The following ABLIM1 variants were observed in gnomAD, a reference collection of about 807,000 sequenced individuals.
ABLIM1 encodes actin-binding LIM protein 1.
A neutral mutation model predicts 107.0 loss-of-function variants in ABLIM1; 40 were observed. That is an observed-to-expected ratio of 0.37 (90% CI 0.29 to 0.49). The LOEUF is 0.49. ABLIM1 is among the 20% of genes least tolerant of loss of function. The pLI is 0.97. For missense variants in ABLIM1, 857 were observed against 1,008.5 expected, an observed-to-expected ratio of 0.85 and a Z score of 2.04; for synonymous variants, 357 against 357.3, an observed-to-expected ratio of 1.00 and a Z score of 0.01.
intron 20 of ABLIM1, 151 bp from the exon 21 acceptor site, chr10:114,439,401 G>A (rs1413440352): frequency 1.3e-6 from 1 of 795,584 alleles, no homozygotes; most frequent in Non-Finnish European, 2.1e-6. Flanking sequence ...TTCAAAATGA[G>A]ATCCTTGCTG....
At position 114,571,370 on chromosome 10, in the gene ABLIM1, A is replaced by G. The variant is rs746127730; in HGVS notation, c.600T>C (p.Asn200=). The G allele has an allele frequency of 6.2e-7, 1 of 1,614,168 alleles. No homozygotes were observed. Among genetic ancestry groups the G allele is most frequent in the South Asian group, 1.1e-5 (1 of 91,076 alleles). The stretch of plus-strand genomic sequence containing the variant: ...AGAGTTGACAAAGGCAGTCTCTCCC[A>G]TTGAATGTGACTCGGTCTCCGGGTG... ...PFPPGDRVTF[N]GRDCLCQLCA... Residue 200 remains asparagine (N), a synonymous_variant, in exon 4 of 23, where the codon AAT becomes AAC. Coordinates refer to ENST00000533213, the MANE Select transcript of ABLIM1 (RefSeq NM_002313.7).
In ABLIM1 at chr10:114,657,989, C is replaced by A. The variant is rs138943557; in HGVS notation, c.212G>T (p.Arg71Leu). The A allele has an allele frequency of 1.5e-5, 25 of 1,613,880 alleles. No individual in the cohort carries two copies. In the African/African-American group the frequency reaches 3.1e-4, roughly 20 times the overall value. The change falls in exon 1 of 23, where the codon CGT (arginine) becomes CTT (leucine). Residue 71 changes from arginine (R) to leucine (L), a missense_variant. Around this residue, in one of 5 missense-constraint regions of ABLIM1, gnomAD observed 176 missense variants for 173.5 expected, o/e 1.01. Coordinates refer to ENST00000533213, the MANE Select transcript of ABLIM1 (RefSeq NM_002313.7). The part of the protein sequence containing the change: ...LYLCPKDYCP[R>L]GRVCNSVDPF... ...ATCAACGCTGTTACATACACGCCCA[C>A]GTGGGCAGTAGTCCTTGGGACAGAG...
At chr10:114,568,044 G>T (rs543314454) in intron 4 of ABLIM1, among the ~76,000 whole-genome samples, 108 of 151,516 alleles carry the variant, frequency 7.1e-4, no homozygotes, top group African/African-American at 2.4e-3. Context: ...CAAAAAATTA[G>T]CCGGGCGCGG....
Position 114,435,717 on chromosome 10 carries a change from A to T in ABLIM1, c.*543T>A, listed in dbSNP as rs541489220. On this transcript the variant is annotated 3_prime_UTR_variant, in exon 23 of 23. Transcript: ENST00000533213. The stretch of plus-strand genomic sequence containing the variant: ...TCAAACAGAGCTGCCCTGTTCCCTG[A>T]TGGAGTTCCATTCCTGCCAGGGCAC... The T allele has an allele frequency of 2.0e-5, 3 of 152,664 alleles. No homozygotes were observed. The highest frequency in any genetic ancestry group is 7.2e-5 in the African/African-American group (3 of 41,566). 9.5% of individuals were successfully genotyped at this position (152,664 alleles called of 1,614,324 possible).
the ABLIM1 span, among the ~76,000 whole-genome samples, chr10:114,790,975 TCAGTAA>T: frequency 2.6e-5 from 4 of 152,164 alleles, no homozygotes; most frequent in African/African-American, 9.7e-5. Context: ...CTCAAAGGGA[TCAGTAA>T]CCCCAAAAAG....
At chr10:114,463,807 G>T (rs2133480091) in intron 12 of ABLIM1, among the ~76,000 whole-genome samples, 1 of 152,236 alleles carries the variant, frequency 6.6e-6, no homozygotes, top group African/African-American at 2.4e-5. Context: ...TTGTGGAGTG[G>T]ACACTTTGGG....
intron 1 of ABLIM1, among the ~76,000 whole-genome samples, chr10:114,766,868 C>G (rs1331081065): frequency 6.6e-6 from 1 of 152,156 alleles, no homozygotes; most frequent in Admixed American, 6.5e-5. Context: ...CTCTAATATA[C>G]GTGAATAATT....
At chr10:114,670,453 C>T (rs1029979593) in intron 1 of ABLIM1, among the ~76,000 whole-genome samples, 4 of 151,986 alleles carry the variant, frequency 2.6e-5, no homozygotes, top group African/African-American at 9.7e-5. Flanking sequence ...AAATACAATC[C>T]CTCCATCCAG....
At chr10:114,606,114 G>C (rs1304016461) in intron 1 of ABLIM1, among the ~76,000 whole-genome samples, 3 of 152,130 alleles carry the variant, frequency 2.0e-5, no homozygotes, top group South Asian at 4.1e-4. Flanking sequence ...ACCTCTCTCT[G>C]GGGGACAGAC....
chr10:114,592,199 T>C lies in ABLIM1; in HGVS notation c.379+9628A>G, dbSNP rs115558975. 4.5e-3 allele frequency among the ~76,000 whole-genome samples: 690 copies of C among 152,226 alleles called. 4 individuals carry two copies. Among genetic ancestry groups the C allele is most frequent in the African/African-American group, 0.016 (662 of 41,532 alleles). ...ACACAGTTATGTACACATATACATA[T>C]CAGATGGTGTCAAGGATGGCCTTAT... On this transcript the variant is annotated intron_variant, in intron 2 of 22. Coordinates refer to ENST00000533213, the MANE Select transcript of ABLIM1 (RefSeq NM_002313.7).
At chr10:114,615,690 A>C in intron 1 of ABLIM1, 1 of 393,656 alleles carries the variant, frequency 2.5e-6, no homozygotes, top group South Asian at 1.8e-5. Flanking sequence ...TTTGGGTGAA[A>C]CTGAAAGTCA....
chr10:114,701,210 G>A (rs1364397369), intron 1 of ABLIM1, among the ~76,000 whole-genome samples: 1 of 151,986 alleles, frequency 6.6e-6, no homozygotes, highest in Non-Finnish European at 1.5e-5. Flanking sequence ...TTAGCCATGA[G>A]GTAAATGCAA....
the ABLIM1 span, among the ~76,000 whole-genome samples, chr10:114,789,622 T>C: frequency 1.3e-5 from 2 of 152,212 alleles, no homozygotes; most frequent in Non-Finnish European, 1.5e-5. Flanking sequence ...CCATTCTGAC[T>C]GGTGTGAGAC....
chr10:114,675,705 T>C (rs753204135), intron 1 of ABLIM1, among the ~76,000 whole-genome samples: 18 of 152,244 alleles, frequency 1.2e-4, no homozygotes, highest in Non-Finnish European at 1.0e-4. Flanking sequence ...CTGGGGCTTC[T>C]ATTACAAAGT....
chr10:114,567,667 T>C (rs911361301), intron 4 of ABLIM1, among the ~76,000 whole-genome samples: 2 of 152,206 alleles, frequency 1.3e-5, no homozygotes, highest in Non-Finnish European at 2.9e-5. Flanking sequence ...TTCATATAAA[T>C]GTCCACTCCA....
At chr10:114,464,242 A>G (rs4462255) in intron 12 of ABLIM1, among the ~76,000 whole-genome samples, 70,123 of 149,802 alleles carry the variant, frequency 0.47, 16,379 homozygotes, top group East Asian at 0.52. Flanking sequence ...TTGGAGTGCA[A>G]TGGCGCCATC....
the ABLIM1 span, chr10:114,778,129 T>G: frequency 6.6e-6 from 1 of 152,472 alleles, no homozygotes; most frequent in East Asian, 1.9e-4. Flanking sequence ...TTTGGGAGGC[T>G]GAAGTAGGTG....
chr10:114,679,108 A>G lies in ABLIM1; in HGVS notation c.64+5182T>C, dbSNP rs990631325. Among the ~76,000 whole-genome samples, 5 of 152,228 alleles carry G rather than the reference A, an allele frequency of 3.3e-5. No homozygotes were observed. The East Asian group carries it at 9.6e-4, about 29-fold the overall frequency. On this transcript the variant is annotated intron_variant, in intron 1 of 23. Coordinates refer to the ABLIM1 transcript ENST00000369256. ...GAACTTAGCCGTCAAGAGGTCACGC[A>G]TATTTCTACATGCTGTCTTGCCCTT...
chr10:114,602,539 G>A lies in ABLIM1; in HGVS notation c.245-578C>T, dbSNP rs572583653. On this transcript the variant is annotated intron_variant, in intron 1 of 22. Transcript: ENST00000533213. ...CCTGCTTTACCAGAGGGTCATTCCC[G>A]ATCATAAATGGCAACTCATCTAACC... 9.2e-5 allele frequency among the ~76,000 whole-genome samples: 14 copies of A among 152,274 alleles called. No individual in the cohort carries two copies. In the South Asian group the frequency reaches 1.9e-3, roughly 20 times the overall value.
Sources: allele counts gnomAD v4.1 joint callset (sites outside exome capture counted in the v4.1 genomes callset), GRCh38; gene constraint gnomAD v4.1.1; regional missense constraint gnomAD v4.1.1; transcripts MANE v1.5; gene names NCBI Gene and HGNC (gene_info 2026-07-23, HGNC 2026-07-21).